Variants in COL4A2 observed in about 807,000 individuals in gnomAD.
COL4A2 encodes the protein collagen type IV alpha 2 chain, also known as collagen alpha-2(IV) chain.
Under a neutral mutation model 200.2 loss-of-function variants are expected in COL4A2, and 99 were observed. The observed-to-expected ratio is 0.49, with a 90% CI of 0.42 to 0.58. The LOEUF (loss-of-function observed/expected upper bound fraction) is 0.58, where lower values mean the gene tolerates loss of function less well. Among genes scored for constraint, COL4A2 ranks in the 20% least tolerant of loss-of-function variants. The probability of loss-of-function intolerance (pLI) is 0.00; values close to 1 mark genes in which losing one functional copy is unlikely to be tolerated. For synonymous variants in COL4A2, 897 were observed against 900.6 expected (o/e 1.00, Z 0.07); for missense variants, 1,950 against 2,314.1 (o/e 0.84, Z 3.23).
At chr13:110,428,439 C>T (rs1016759018) in intron 6 of COL4A2, 28 bp from the exon 7 acceptor site, 4 of 1,390,156 alleles carry the variant, frequency 2.9e-6, no homozygotes, top group Non-Finnish European at 4.0e-6. Context: ...TGCTGGTTGG[C>T]TGATTCTCTC....
intron 45 of COL4A2, among the ~76,000 whole-genome samples, chr13:110,506,139 C>G (rs1401477413): frequency 6.6e-6 from 1 of 152,154 alleles, no homozygotes; most frequent in African/African-American, 2.4e-5. Context: ...GCTGCTCTCT[C>G]TCTCTTTCTC....
intron 47 of COL4A2, among the ~76,000 whole-genome samples, chr13:110,509,270 T>TATACACACACACACACACAC (rs1435137108): frequency 6.1e-5 from 7 of 115,600 alleles, no homozygotes; most frequent in African/African-American, 2.4e-4. Context: ...TATATATATA[T>TATACACACACACACACACAC]ACACACACAC....
chr13:110,339,072 T>C (rs1016477690), intron 3 of COL4A2, among the ~76,000 whole-genome samples: 1 of 152,184 alleles, frequency 6.6e-6, no homozygotes, highest in African/African-American at 2.4e-5. Context: ...TTTCTGGAGA[T>C]GATGGGGCCA....
chr13:110,413,514 G>C (rs1879927732), intron 4 of COL4A2, among the ~76,000 whole-genome samples: 2 of 152,206 alleles, frequency 1.3e-5, no homozygotes, highest in Admixed American at 1.3e-4. Context: ...GTGACCCTGA[G>C]AGCCTCAGGC....
At position 110,512,200 on chromosome 13, in the gene COL4A2, G is replaced by C. The variant is rs368607620; in HGVS notation, c.*9G>C. On this transcript the variant is annotated 3_prime_UTR_variant, in exon 48 of 48. Coordinates refer to ENST00000360467, the MANE Select transcript of COL4A2 (RefSeq NM_001846.4). Reference sequence around the variant, plus strand: ...GCATGAAGAACCTGTGAGCCGGCGCGTGCCAGGAAGGGCCATTTTGGTGCT... The same window carrying C: ...GCATGAAGAACCTGTGAGCCGGCGCCTGCCAGGAAGGGCCATTTTGGTGCT... The C allele has an allele frequency of 1.2e-6, 2 of 1,606,866 alleles. No homozygotes were observed. The highest frequency in any genetic ancestry group is 1.1e-5 in the South Asian group (1 of 90,752).
chr13:110,493,355 C>T, intron 39 of COL4A2, 73 bp downstream of exon 39: 2 of 1,499,538 alleles, frequency 1.3e-6, no homozygotes, highest in South Asian at 2.3e-5. Context: ...TGAGTCTGCC[C>T]TCCAGACTTC....
chr13:110,507,218 G>C (rs1168897691), intron 46 of COL4A2, among the ~76,000 whole-genome samples: 1 of 152,202 alleles, frequency 6.6e-6, no homozygotes, highest in African/African-American at 2.4e-5. Context: ...TACATCAGGC[G>C]TTCTGCCCCC....
At chr13:110,383,136 G>A (rs2391825) in intron 4 of COL4A2, among the ~76,000 whole-genome samples, 41,256 of 152,022 alleles carry the variant, frequency 0.27, 5,827 homozygotes, top group African/African-American at 0.31. Context: ...TTTAATGTTT[G>A]CTCAAACTTA....
At chr13:110,418,550 G>A (rs1880132699) in intron 4 of COL4A2, among the ~76,000 whole-genome samples, 1 of 152,212 alleles carries the variant, frequency 6.6e-6, no homozygotes, top group African/African-American at 2.4e-5. Context: ...AGGTGAAGGT[G>A]TGTTTCTTTA....
At chr13:110,343,116 A>G (rs1055389937) in intron 3 of COL4A2, among the ~76,000 whole-genome samples, 5 of 152,182 alleles carry the variant, frequency 3.3e-5, no homozygotes, top group African/African-American at 4.8e-5. Context: ...AATCTTTGCA[A>G]CTTCATACTG....
intron 11 of COL4A2, among the ~76,000 whole-genome samples, 186 bp downstream of exon 11, chr13:110,432,546 C>T (rs1359046020): frequency 6.6e-6 from 1 of 151,486 alleles, no homozygotes; most frequent in African/African-American, 2.5e-5. Context: ...TGCCTCTGGA[C>T]ATTAAAAAAG....
At chr13:110,459,041 A>G in intron 22 of COL4A2, 107 bp downstream of exon 22, 3 of 1,110,902 alleles carry the variant, frequency 2.7e-6, no homozygotes, top group Non-Finnish European at 3.7e-6. Flanking sequence ...GACCGGCAAC[A>G]CTCATGGACC....
At chr13:110,372,735 G>A (rs1319039072) in intron 4 of COL4A2, among the ~76,000 whole-genome samples, 2 of 152,154 alleles carry the variant, frequency 1.3e-5, no homozygotes, top group Non-Finnish European at 2.9e-5. Context: ...CTACAGTGAA[G>A]CAAATATTAT....
chr13:110,447,746 AG>A (rs1881384209), intron 18 of COL4A2, among the ~76,000 whole-genome samples: 1 of 97,692 alleles, frequency 1.0e-5, no homozygotes. Flanking sequence ...CGCCTGACTG[AG>A]TGACGACGTG....
At chr13:110,444,502 C>T (rs943181117) in intron 16 of COL4A2, among the ~76,000 whole-genome samples, 21 of 152,228 alleles carry the variant, frequency 1.4e-4, no homozygotes, top group Non-Finnish European at 2.2e-4. Context: ...GAGTCTTCAG[C>T]TCCACCTAGC....
intron 41 of COL4A2, 71 bp downstream of exon 41, chr13:110,501,855 A>C: frequency 6.9e-7 from 1 of 1,443,800 alleles, no homozygotes; most frequent in Admixed American, 1.9e-5. Context: ...CGCTTAATGT[A>C]GGGGGAGAAC....
At chr13:110,372,787 AT>A (rs1594176039) in intron 4 of COL4A2, among the ~76,000 whole-genome samples, 2 of 152,214 alleles carry the variant, frequency 1.3e-5, no homozygotes, top group East Asian at 3.8e-4. Context: ...AGCTTGTTCC[AT>A]TTTAAAAATT....
chr13:110,454,254 A>G (rs1881637574), intron 20 of COL4A2, among the ~76,000 whole-genome samples: 2 of 152,180 alleles, frequency 1.3e-5, no homozygotes, highest in African/African-American at 4.8e-5. Context: ...TATAGGACTT[A>G]TTTAAAATGA....
intron 40 of COL4A2, among the ~76,000 whole-genome samples, chr13:110,501,454 G>T (rs567497807): frequency 3.3e-5 from 5 of 152,230 alleles, no homozygotes; most frequent in East Asian, 1.9e-4. Context: ...AGGCTGGGGT[G>T]GGGGAGGGGT....
Sources: gnomAD v4.1 joint callset for allele counts (sites outside exome capture counted in the v4.1 genomes callset) on GRCh38, gnomAD v4.1.1 for gene constraint, MANE v1.5 for transcripts, NCBI Gene and HGNC (gene_info 2026-07-23, HGNC 2026-07-21) for gene names.